Variants in MAPKBP1 observed in about 807,000 individuals in gnomAD.
MAPKBP1 encodes mitogen-activated protein kinase-binding protein 1.
Under a neutral mutation model 170.5 loss-of-function variants are expected in MAPKBP1, and 71 were observed. The observed-to-expected ratio is 0.42, with a 90% confidence interval of 0.34 to 0.51. The LOEUF (loss-of-function observed/expected upper bound fraction) is 0.51, where lower values mean the gene tolerates loss of function less well. MAPKBP1 is among the 20% of genes least tolerant of loss of function. MAPKBP1 has a pLI of 0.06. For missense variants in MAPKBP1, 1,598 were observed against 1,933.0 expected, an observed-to-expected ratio of 0.83 and a Z score of 3.25; for synonymous variants, 719 against 757.9, an observed-to-expected ratio of 0.95 and a Z score of 0.84.
rs773126613 is a variant in MAPKBP1 at position 41,822,262 on chromosome 15, C to G, written c.3069C>G (p.Ile1023Met). 6.2e-7 allele frequency: 1 copy of G among 1,614,042 alleles called. No individual in the cohort carries two copies. The highest frequency in any genetic ancestry group is 1.1e-5 in the South Asian group (1 of 91,084). ...CGGAGCCCCTCAGTGTGGATGGCATCTCCTCAGACCTTGAAGAGCCAGCTG... is the reference window on the plus strand; with the variant it reads ...CGGAGCCCCTCAGTGTGGATGGCATGTCCTCAGACCTTGAAGAGCCAGCTG... ...ESTEPLSVDG[I>M]SSDLEEPAEG... The change falls in exon 26 of 31, where the codon ATC becomes ATG. Residue 1023 changes from isoleucine to methionine, a missense_variant. By Grantham distance (10) the Ile-to-Met change is conservative. Around this residue, in one of 6 missense-constraint regions of MAPKBP1, gnomAD observed 942 missense variants for 953.2 expected, o/e 0.99. Coordinates refer to ENST00000457542, the MANE Select transcript of MAPKBP1 (RefSeq NM_014994.3).
At chr15:41,782,035 T>A (rs928599460) in intron 2 of MAPKBP1, among the ~76,000 whole-genome samples, 2 of 147,436 alleles carry the variant, frequency 1.4e-5, no homozygotes, top group African/African-American at 5.0e-5. Flanking sequence ...GATCATGAGG[T>A]CAGGAGATCG....
At chr15:41,776,237 AG>A (rs2152065329) in intron 2 of MAPKBP1, among the ~76,000 whole-genome samples, 1 of 152,346 alleles carries the variant, frequency 6.6e-6, no homozygotes, top group African/African-American at 2.4e-5. Flanking sequence ...TAAACCCAAT[AG>A]GGTTGTGAGG....
Position 41,825,282 on chromosome 15 carries a change from T to C in MAPKBP1, c.4373T>C (p.Val1458Ala), listed in dbSNP as rs752050798. The C allele has an allele frequency of 5.6e-6, 9 of 1,612,110 alleles. No homozygotes were observed. Among genetic ancestry groups the C allele is most frequent in the Non-Finnish European group, 3.4e-6 (4 of 1,178,834 alleles). The change falls in exon 31 of 31, where the codon GTG becomes GCG. Residue 1458 changes from valine (V) to alanine (A), a missense_variant. This residue lies in a region of MAPKBP1 where 942 missense variants were observed against 953.2 expected (regional missense o/e 0.99). Transcript: ENST00000457542. The part of the protein sequence containing the change: ...AQLLRDTFSS[V>A]RQELEAVAGA... Reference sequence around the variant, plus strand: ...CTCCTCAGAGACACCTTCTCTTCAGTGCGACAGGAGCTGGAAGCTGTGGCT... The same window carrying C: ...CTCCTCAGAGACACCTTCTCTTCAGCGCGACAGGAGCTGGAAGCTGTGGCT...
At chr15:41,800,614 C>T (rs980832500) in intron 3 of MAPKBP1, among the ~76,000 whole-genome samples, 18 of 152,186 alleles carry the variant, frequency 1.2e-4, no homozygotes, top group Middle Eastern at 3.2e-3. Context: ...GGATTACAGG[C>T]GTGAGCCACT....
chr15:41,809,542 T>G (rs2064766897), intron 3 of MAPKBP1, among the ~76,000 whole-genome samples: 1 of 152,164 alleles, frequency 6.6e-6, no homozygotes. Context: ...GAAAATTAGG[T>G]CTGGGGGAAG....
In MAPKBP1 at chr15:41,795,350, G is replaced by A. The variant is rs78621915; in HGVS notation, c.115-4473G>A. ...CTTTTTAGTCCAAGGAATGGCATAT[G>A]TAAAGGACCTGAGGCTACAATTGGC... On this transcript the variant is annotated intron_variant, in intron 2 of 30. Coordinates refer to ENST00000457542, the MANE Select transcript of MAPKBP1 (RefSeq NM_014994.3). Among the ~76,000 whole-genome samples, 1,449 of 152,152 alleles carry A rather than the reference G, an allele frequency of 9.5e-3. 19 individuals carry two copies. The highest frequency in any genetic ancestry group is 0.034 in the African/African-American group (1,392 of 41,500).
rs749170397 is a variant in MAPKBP1 at position 41,822,272 on chromosome 15, C to G, written c.3079C>G (p.Leu1027Val). 1.9e-6 allele frequency: 3 copies of G among 1,614,052 alleles called. No individual in the cohort carries two copies. Among genetic ancestry groups the G allele is most frequent in the Admixed American group, 1.7e-5 (1 of 60,022 alleles). ...PLSVDGISSD[L>V]EEPAEGDEEE... ...CAGTGTGGATGGCATCTCCTCAGAC[C>G]TTGAAGAGCCAGCTGAGGGTGATGA... is the stretch of plus-strand genomic sequence containing the variant. The change falls in exon 26 of 31, where the codon CTT becomes GTT. Residue 1027 changes from leucine to valine, a missense_variant. Transcript: ENST00000457542.
At chr15:41,816,176 A>G (rs1051363959) in intron 12 of MAPKBP1, 2 of 329,156 alleles carry the variant, frequency 6.1e-6, no homozygotes, top group East Asian at 5.8e-5. Flanking sequence ...CATGAAAAGT[A>G]AGGAAAGACC....
rs145168316 is a variant in MAPKBP1 at position 41,823,667 on chromosome 15, C to T, written c.3819C>T (p.Pro1273=). 7 of 1,614,088 alleles carry T rather than the reference C, an allele frequency of 4.3e-6. No individual in the cohort carries two copies. Among genetic ancestry groups the T allele is most frequent in the South Asian group, 2.2e-5 (2 of 91,090 alleles). ...TGGCTGAACCTCAAGCTCATGCCCC[C>T]ATCCGAGTCTCACCACTCAGCAAGC... is the stretch of plus-strand genomic sequence containing the variant. The part of the protein sequence containing the change: ...GLVAEPQAHA[P]IRVSPLSKLA... The change falls in exon 29 of 31, where the codon CCC becomes CCT. Residue 1273 remains proline (P), a synonymous_variant. Coordinates refer to ENST00000457542, the MANE Select transcript of MAPKBP1 (RefSeq NM_014994.3).
Position 41,822,578 on chromosome 15 carries a change from C to A in MAPKBP1, c.3230-15C>A. On this transcript the variant is annotated splice_polypyrimidine_tract_variant and intron_variant, in intron 26 of 30. Transcript: ENST00000457542. ...TGGTTTTTGCCCCAATTCATGATTT[C>A]TCTGACCTTGGTAGGGGCCCCAGTG... 6.2e-7 allele frequency: 1 copy of A among 1,613,552 alleles called. No individual in the cohort carries two copies.
At position 41,812,502 on chromosome 15, in the gene MAPKBP1, G is replaced by T. The variant is rs750747079; in HGVS notation, c.499-14G>T. 1 of 1,614,152 alleles carries T rather than the reference G, an allele frequency of 6.2e-7. No homozygotes were observed. The highest frequency in any genetic ancestry group is 1.6e-4 in the Middle Eastern group (1 of 6,062). On this transcript the variant is annotated splice_polypyrimidine_tract_variant and intron_variant, in intron 6 of 30. Transcript: ENST00000457542. ...GAGACAGAGCCTTGATTCTTCCTTT[G>T]GCATCCCCTCCAGAAAAACATTGTG...
chr15:41,798,524 C>G lies in MAPKBP1; in HGVS notation c.115-1299C>G, dbSNP rs189345883. On this transcript the variant is annotated intron_variant, in intron 2 of 30. Transcript: ENST00000457542. ...TCTCAAACTTCTGACCTCAAGTGAT[C>G]TGCCCACCTTGGCCTCCCAAAGTGC... Among the ~76,000 whole-genome samples the G allele has an allele frequency of 1.8e-3, 274 of 152,188 alleles. 1 individual carries two copies. Among genetic ancestry groups the G allele is most frequent in the African/African-American group, 6.0e-3 (250 of 41,542 alleles).
rs2064920792 is a variant in MAPKBP1, at chr15:41,817,887, T to A, written c.1905-122T>A. 1.3e-6 allele frequency: 2 copies of A among 1,516,842 alleles called. No homozygotes were observed. Among genetic ancestry groups the A allele is most frequent in the Admixed American group, 3.4e-5 (2 of 59,042 alleles). The allele number at this position is 1,516,842 out of a possible 1,614,324, so 94.0% of individuals were successfully genotyped here. On this transcript the variant is annotated intron_variant, in intron 16 of 30. Transcript: ENST00000457542. This position sits in a 1 kb window ranked among gnomAD's most constrained non-coding sequence, Gnocchi z 4.2. ...TTGCTTCACCCAAGAGGTGGTAGCC[T>A]GTTTGCTGCTGGGGGTAGCTCCCAG...
chr15:41,821,498 C>T (rs913598318), intron 23 of MAPKBP1, 86 bp from the exon 24 acceptor site: 100 of 1,310,436 alleles, frequency 7.6e-5, no homozygotes, highest in Admixed American at 1.8e-4. Flanking sequence ...GAGGGTTGGC[C>T]CCCAGGATAC....
intron 2 of MAPKBP1, among the ~76,000 whole-genome samples, chr15:41,780,236 G>A (rs1463078485): frequency 2.0e-5 from 3 of 152,134 alleles, no homozygotes; most frequent in Non-Finnish European, 4.4e-5. Context: ...ATTTCCTGCT[G>A]GTATTTTGAA....
intron 3 of MAPKBP1, among the ~76,000 whole-genome samples, chr15:41,807,360 A>G (rs1309402418): frequency 1.3e-5 from 2 of 152,256 alleles, no homozygotes; most frequent in African/African-American, 4.8e-5. Flanking sequence ...AGTCTGATGC[A>G]CTACCCTTTA....
At chr15:41,807,483 A>G (rs1345400417) in intron 3 of MAPKBP1, among the ~76,000 whole-genome samples, 1 of 152,198 alleles carries the variant, frequency 6.6e-6, no homozygotes, top group Non-Finnish European at 1.5e-5. Context: ...CATCGAGTCA[A>G]TTCAATTAGA....
Position 41,826,992 on chromosome 15 carries a change from G to A in MAPKBP1, c.*1556G>A, listed in dbSNP as rs1216276655. On this transcript the variant is annotated 3_prime_UTR_variant, in exon 31 of 31. Transcript: ENST00000457542. ...CCGCCCTGCTGCGCCATAGGCAGAG[G>A]CTTATAAAGAAATGGGTTCTGGGCC... 1 of 152,226 alleles carries A rather than the reference G, an allele frequency of 6.6e-6. No individual in the cohort carries two copies. Among genetic ancestry groups the A allele is most frequent in the Admixed American group, 6.5e-5 (1 of 15,280 alleles). 9.4% of individuals were successfully genotyped at this position (152,226 alleles called of 1,614,324 possible). A position where few individuals can be genotyped will look rare whatever the true frequency, so the allele number is the denominator to read the frequency against.
Position 41,811,939 on chromosome 15 carries a change from G to C in MAPKBP1, c.328-18G>C. Reference sequence around the variant, plus strand: ...TGGAGAAGTCAAGAACTCACTTCCAGTTCTTGCCTCCCTGCAGAGTGGGCA... The same window carrying C: ...TGGAGAAGTCAAGAACTCACTTCCACTTCTTGCCTCCCTGCAGAGTGGGCA... On this transcript the variant is annotated intron_variant, in intron 5 of 30. Coordinates refer to ENST00000457542, the MANE Select transcript of MAPKBP1 (RefSeq NM_014994.3). 1 of 1,613,804 alleles carries C rather than the reference G, an allele frequency of 6.2e-7. No homozygotes were observed. The highest frequency in any genetic ancestry group is 8.5e-7 in the Non-Finnish European group (1 of 1,179,808).
Sources: allele counts gnomAD v4.1 joint callset (sites outside exome capture counted in the v4.1 genomes callset), GRCh38; gene constraint gnomAD v4.1.1; regional missense constraint gnomAD v4.1.1; non-coding constraint Gnocchi (gnomAD v3.1); transcripts MANE v1.5; gene names NCBI Gene and HGNC (gene_info 2026-07-23, HGNC 2026-07-21).